Variants in SPMIP4 observed in about 807,000 individuals in gnomAD.
SPMIP4 encodes sperm-associated microtubule inner protein 4.
At chr7:25,154,742 C>A in the SPMIP4 span, among the ~76,000 whole-genome samples, 1 of 152,236 alleles carries the variant, frequency 6.6e-6, no homozygotes, top group East Asian at 1.9e-4. Context: ...GGAATAAAAA[C>A]CACCAATTCT....
chr7:25,148,320 T>C, the SPMIP4 span, among the ~76,000 whole-genome samples: 3 of 151,898 alleles, frequency 2.0e-5, no homozygotes, highest in Admixed American at 2.0e-4. Context: ...ACAGCTGCAG[T>C]CCCAGATACT....
At chr7:25,153,751 T>C in the SPMIP4 span, among the ~76,000 whole-genome samples, 1 of 152,248 alleles carries the variant, frequency 6.6e-6, no homozygotes, top group East Asian at 1.9e-4. Context: ...TCATTTCCTT[T>C]AGAACATTTA....
chr7:25,158,368 CAAAA>C, the SPMIP4 span: 871 of 300,536 alleles, frequency 2.9e-3, no homozygotes, highest in East Asian at 5.0e-3. Context: ...GACTCTGTCT[CAAAA>C]AAAAAAAAAA....
the SPMIP4 span, chr7:25,136,541 C>G: frequency 6.2e-7 from 1 of 1,614,134 alleles, no homozygotes; most frequent in Non-Finnish European, 8.5e-7. The surrounding 1 kb of genome is among the most constrained non-coding windows in gnomAD (Gnocchi z 5.7). Context: ...AAGCTCTGTT[C>G]TTCTATGATC....
the SPMIP4 span, among the ~76,000 whole-genome samples, chr7:25,155,604 G>A: frequency 6.6e-6 from 1 of 152,200 alleles, no homozygotes; most frequent in Non-Finnish European, 1.5e-5. Flanking sequence ...CTTCAGCAAA[G>A]TGATCTCTAA....
chr7:25,127,424 A>T, the SPMIP4 span, among the ~76,000 whole-genome samples: 17 of 152,268 alleles, frequency 1.1e-4, no homozygotes, highest in East Asian at 2.7e-3. Flanking sequence ...CAAATAGCCC[A>T]TCTTCAAGCT....
chr7:25,135,574 T>C, the SPMIP4 span: 1 of 910,274 alleles, frequency 1.1e-6, no homozygotes, highest in Non-Finnish European at 1.3e-6. Context: ...TAAGATACTA[T>C]AATTTGTATA....
At chr7:25,171,327 A>G in the SPMIP4 span, among the ~76,000 whole-genome samples, 12 of 152,224 alleles carry the variant, frequency 7.9e-5, no homozygotes, top group African/African-American at 2.9e-4. Flanking sequence ...CCTGGCACAC[A>G]GGAAGCACTC....
chr7:25,166,768 C>T, the SPMIP4 span, among the ~76,000 whole-genome samples: 1 of 151,550 alleles, frequency 6.6e-6, no homozygotes, highest in Non-Finnish European at 1.5e-5. Context: ...GTGGCACACG[C>T]CTGTAATCCC....
chr7:25,140,433 C>G, the SPMIP4 span, among the ~76,000 whole-genome samples: 1 of 152,194 alleles, frequency 6.6e-6, no homozygotes, highest in Admixed American at 6.5e-5. Context: ...TCCTGAGTAG[C>G]TAGGACTACA....
At chr7:25,171,077 G>A in the SPMIP4 span, among the ~76,000 whole-genome samples, 1 of 152,202 alleles carries the variant, frequency 6.6e-6, no homozygotes, top group African/African-American at 2.4e-5. Flanking sequence ...GGTGATTCTT[G>A]TGCATGCTAA....
At chr7:25,135,980 A>G in the SPMIP4 span, 1 of 1,589,488 alleles carries the variant, frequency 6.3e-7, no homozygotes, top group African/African-American at 1.4e-5. Flanking sequence ...TCTCAATTAT[A>G]GAAATAATAG....
chr7:25,150,792 T>C, the SPMIP4 span, among the ~76,000 whole-genome samples: 1 of 152,204 alleles, frequency 6.6e-6, no homozygotes, highest in Non-Finnish European at 1.5e-5. Context: ...ATCTATAAAA[T>C]GGAAATGATG....
At chr7:25,179,373 AGG>A in the SPMIP4 span, 1 of 1,557,902 alleles carries the variant, frequency 6.4e-7, no homozygotes. Context: ...TGTCGAGTCA[AGG>A]CAGGCAGAAA....
the SPMIP4 span, among the ~76,000 whole-genome samples, chr7:25,132,612 G>A: frequency 6.6e-6 from 1 of 152,118 alleles, no homozygotes; most frequent in African/African-American, 2.4e-5. The surrounding 1 kb of genome is among the most constrained non-coding windows in gnomAD (Gnocchi z 5.0). Context: ...ACTGTTTCAG[G>A]GGAGGAGACA....
the SPMIP4 span, chr7:25,134,858 C>G: frequency 2.0e-6 from 2 of 985,394 alleles, no homozygotes; most frequent in Non-Finnish European, 1.2e-6. Context: ...AGGCATGCAA[C>G]TGACATTGTT....
the SPMIP4 span, chr7:25,136,594 A>G: frequency 6.2e-7 from 1 of 1,614,076 alleles, no homozygotes; most frequent in Non-Finnish European, 8.5e-7. The surrounding 1 kb of genome is among the most constrained non-coding windows in gnomAD (Gnocchi z 5.7). Context: ...ACCGGCTGGT[A>G]TGTTATCACT....
the SPMIP4 span, among the ~76,000 whole-genome samples, chr7:25,128,924 A>G: frequency 6.6e-6 from 1 of 152,218 alleles, no homozygotes; most frequent in African/African-American, 2.4e-5. The surrounding 1 kb of genome is among the most constrained non-coding windows in gnomAD (Gnocchi z 4.5). Flanking sequence ...GGGTGTCTCT[A>G]GAAATTTCAT....
chr7:25,152,371 A>C, the SPMIP4 span, among the ~76,000 whole-genome samples: 3 of 152,200 alleles, frequency 2.0e-5, no homozygotes, highest in Non-Finnish European at 2.9e-5. Context: ...TGCTCTCGTG[A>C]TAAGTTTCAA....
Sources: gnomAD v4.1 joint callset for allele counts (sites outside exome capture counted in the v4.1 genomes callset) on GRCh38, gnomAD v4.1.1 for gene constraint, Gnocchi (gnomAD v3.1) non-coding constraint, MANE v1.5 for transcripts, NCBI Gene and HGNC (gene_info 2026-07-23, HGNC 2026-07-21) for gene names.